SIRT4: variants seen among roughly 807,000 people sequenced by gnomAD.
SIRT4 encodes sirtuin 4.
Under a neutral mutation model 26.1 loss-of-function variants are expected in SIRT4, and 23 were observed. The ratio of observed to expected loss-of-function variants is 0.88; its 90% confidence interval spans 0.63 to 1.25. The LOEUF is 1.25. Among genes scored for constraint, SIRT4 ranks in the 50% most tolerant of loss-of-function variants. The probability of loss-of-function intolerance (pLI) is 0.00; values close to 1 mark genes in which losing one functional copy is unlikely to be tolerated. For synonymous variants in SIRT4, 155 were observed against 158.4 expected (o/e 0.98, Z 0.16); for missense variants, 361 against 405.4 (o/e 0.89, Z 0.94).
chr12:120,302,164 A>T (rs1391266329), upstream of SIRT4, among the ~76,000 whole-genome samples: 2 of 152,188 alleles, frequency 1.3e-5, no homozygotes, highest in African/African-American at 4.8e-5. Flanking sequence ...ATCCATGATT[A>T]AAAGCTTTTA....
intron 2 of SIRT4, among the ~76,000 whole-genome samples, chr12:120,307,915 C>T (rs979166234): frequency 9.9e-5 from 15 of 152,144 alleles, no homozygotes; most frequent in South Asian, 8.3e-4. Flanking sequence ...TAAATGACAA[C>T]GCATGATTGT....
upstream of SIRT4, among the ~76,000 whole-genome samples, chr12:120,299,164 T>C (rs923325718): frequency 1.3e-5 from 2 of 150,530 alleles, no homozygotes; most frequent in Admixed American, 1.3e-4. Flanking sequence ...GAGCTTGTAG[T>C]GGGCCGAGAT....
Position 120,307,311 on chromosome 12 carries a change from G to A in SIRT4, c.497+3253G>A, listed in dbSNP as rs11065077. On this transcript the variant is annotated intron_variant, in intron 2 of 3. Coordinates refer to ENST00000202967, the MANE Select transcript of SIRT4 (RefSeq NM_012240.3). ...TTGAGACCAGCCTGGCCAATATGTC[G>A]AAACCCAGTCTCTACTAAAAATAAA... Among the ~76,000 whole-genome samples, 12 of 152,012 alleles carry A rather than the reference G, an allele frequency of 7.9e-5. No individual in the cohort carries two copies. The East Asian group carries it at 1.7e-3, about 22-fold the overall frequency.
chr12:120,311,447 G>C (rs1349904301), intron 2 of SIRT4, among the ~76,000 whole-genome samples: 3 of 149,892 alleles, frequency 2.0e-5, no homozygotes, highest in Non-Finnish European at 4.4e-5. Context: ...AGGTGAGAAG[G>C]GGGGCCAGGT....
At chr12:120,298,906 A>AC (rs1491454444), upstream of SIRT4, among the ~76,000 whole-genome samples, 1 of 126,218 alleles carries the variant, frequency 7.9e-6, no homozygotes, top group East Asian at 2.3e-4. Flanking sequence ...ATTCCGTCTC[A>AC]AAAAATAAAT....
the SIRT4 span, among the ~76,000 whole-genome samples, chr12:120,296,664 T>C: frequency 6.6e-6 from 1 of 151,428 alleles, no homozygotes; most frequent in African/African-American, 2.4e-5. Context: ...CACACCACCA[T>C]GCCCAGCTAA....
chr12:120,309,714 CTTT>C (rs564627080), intron 2 of SIRT4, among the ~76,000 whole-genome samples: 4 of 111,114 alleles, frequency 3.6e-5, no homozygotes, highest in Admixed American at 9.4e-5. Context: ...TGCCCGCTTT[CTTT>C]TTTTTTTTTT....
intron 2 of SIRT4, among the ~76,000 whole-genome samples, chr12:120,307,784 G>A (rs760259505): frequency 6.6e-6 from 1 of 151,890 alleles, no homozygotes; most frequent in Admixed American, 6.6e-5. Flanking sequence ...TTTGAACCCG[G>A]GAGGCAGAGG....
chr12:120,293,217 A>C, the SIRT4 span: 2 of 152,176 alleles, frequency 1.3e-5, no homozygotes, highest in Non-Finnish European at 1.5e-5. Context: ...ATTGGCTACG[A>C]TACTGCCACT....
intron 2 of SIRT4, among the ~76,000 whole-genome samples, chr12:120,310,323 G>A (rs1348958138): frequency 6.6e-6 from 1 of 151,910 alleles, no homozygotes. Context: ...CCGAGATCGC[G>A]CCATTGCACT....
At position 120,313,033 on chromosome 12, in the gene SIRT4, C is replaced by A. The variant is rs1301483182; in HGVS notation, c.942C>A (p.Cys314Ter). The change falls in exon 4 of 4, where the codon TGC (cysteine) becomes TGA (stop). Residue 314 changes from cysteine (C) to a stop codon, truncating the protein, a stop_gained. Coordinates refer to ENST00000202967, the MANE Select transcript of SIRT4 (RefSeq NM_012240.3). LOFTEE classifies it high-confidence loss of function. The stretch of plus-strand genomic sequence containing the variant: ...AGTTGCTGCCTTTGATAGACCCATG[C>A]TGACCACAGCCTGATATTCCAGAAC... The part of the protein sequence containing the change: ...CGELLPLIDP[C>*] 1 of 1,614,110 alleles carries A rather than the reference C, an allele frequency of 6.2e-7. No homozygotes were observed. The highest frequency in any genetic ancestry group is 2.2e-5 in the East Asian group (1 of 44,874).
chr12:120,302,812 C>A (rs993831597), intron 1 of SIRT4, among the ~76,000 whole-genome samples: 1 of 151,400 alleles, frequency 6.6e-6, no homozygotes, highest in Non-Finnish European at 1.5e-5. Context: ...CTCCGCCTCC[C>A]GGGTTCAAGC....
chr12:120,298,711 A>G (rs1872426289), upstream of SIRT4, among the ~76,000 whole-genome samples: 1 of 150,856 alleles, frequency 6.6e-6, no homozygotes, highest in Non-Finnish European at 1.5e-5. Flanking sequence ...GTTCGAGACC[A>G]TGCTGACAAG....
Position 120,313,046 on chromosome 12 carries a change from G to A in SIRT4, c.*10G>A. On this transcript the variant is annotated 3_prime_UTR_variant, in exon 4 of 4. Coordinates refer to ENST00000202967, the MANE Select transcript of SIRT4 (RefSeq NM_012240.3). ...GATAGACCCATGCTGACCACAGCCT[G>A]ATATTCCAGAACCTGGAACAGGGAC... The A allele has an allele frequency of 6.2e-7, 1 of 1,613,950 alleles. No homozygotes were observed. The highest frequency in any genetic ancestry group is 8.5e-7 in the Non-Finnish European group (1 of 1,179,968).
upstream of SIRT4, among the ~76,000 whole-genome samples, chr12:120,301,082 T>C (rs2464297): frequency 0.034 from 5,158 of 152,266 alleles, 227 homozygotes; most frequent in African/African-American, 0.099. Context: ...CACAGTGGCT[T>C]ACGCCTGTAA....
intron 2 of SIRT4, 57 bp from the exon 3 acceptor site, chr12:120,312,399 G>C: frequency 6.6e-7 from 1 of 1,511,928 alleles, no homozygotes; most frequent in Non-Finnish European, 8.9e-7. Context: ...AAACGTCTCT[G>C]ACAGCTTTGT....
chr12:120,306,270 G>A (rs905320238), intron 2 of SIRT4, among the ~76,000 whole-genome samples: 2 of 152,034 alleles, frequency 1.3e-5, no homozygotes, highest in Non-Finnish European at 2.9e-5. Context: ...GAGGTCAGGA[G>A]TTCGAGACCA....
At chr12:120,299,549 CAAA>C (rs35920345), upstream of SIRT4, among the ~76,000 whole-genome samples, 34 of 130,788 alleles carry the variant, frequency 2.6e-4, no homozygotes, top group Non-Finnish European at 3.6e-4. Context: ...TAGACTCTCT[CAAA>C]AAAAAAAAAA....
At chr12:120,304,090 C>A in intron 2 of SIRT4, 32 bp downstream of exon 2, 1 of 1,593,186 alleles carries the variant, frequency 6.3e-7, no homozygotes, top group South Asian at 1.1e-5. Context: ...TGAACGCAAA[C>A]CCGTGTGTTG....
Sources: gnomAD v4.1 joint callset for allele counts (sites outside exome capture counted in the v4.1 genomes callset) on GRCh38, gnomAD v4.1.1 for gene constraint, MANE v1.5 for transcripts, NCBI Gene and HGNC (gene_info 2026-07-23, HGNC 2026-07-21) for gene names.